Variants in EDNRB observed in about 807,000 individuals in gnomAD.
EDNRB encodes endothelin receptor type B.
In EDNRB, 18 loss-of-function variants were observed where a neutral mutation model predicts 46.4. The ratio of observed to expected loss-of-function variants is 0.39; its 90% CI spans 0.27 to 0.57. EDNRB has a LOEUF of 0.57. Ranked by LOEUF, EDNRB falls within the 20% of genes least tolerant of loss-of-function variation. The pLI is 0.61. For synonymous variants in EDNRB, 213 were observed against 204.9 expected (o/e 1.04, Z -0.34); for missense variants, 434 against 537.5 (o/e 0.81, Z 1.90).
intron 1 of EDNRB, among the ~76,000 whole-genome samples, chr13:77,913,179 G>T (rs1879656175): frequency 6.6e-6 from 1 of 152,154 alleles, no homozygotes; most frequent in Non-Finnish European, 1.5e-5. Context: ...CTGATTACCT[G>T]CCAAGGTCAC....
chr13:77,950,009 A>G (rs1881043753), intron 1 of EDNRB, among the ~76,000 whole-genome samples: 1 of 152,074 alleles, frequency 6.6e-6, no homozygotes, highest in Admixed American at 6.6e-5. Flanking sequence ...CTCCTGCCTG[A>G]TATATATCAT....
chr13:77,902,268 G>A lies in EDNRB; in HGVS notation c.801+888C>T, dbSNP rs553209709. On this transcript the variant is annotated intron_variant, in intron 3 of 6. Transcript: ENST00000646607. ...TACTGGGCTATCTTGTGCAGATTAC[G>A]TAGTAGTTGTCAGTCCTTATGGGGC... Among the ~76,000 whole-genome samples, 38 of 151,994 alleles carry A rather than the reference G, an allele frequency of 2.5e-4. 2 individuals are homozygous for A. The South Asian group carries it at 6.8e-3, about 27-fold the overall frequency.
chr13:77,905,619 GT>G (rs1879236301), intron 1 of EDNRB, among the ~76,000 whole-genome samples: 1 of 151,982 alleles, frequency 6.6e-6, no homozygotes, highest in African/African-American at 2.4e-5. Flanking sequence ...AACAGAGGCT[GT>G]GATCATATTG....
upstream of EDNRB, among the ~76,000 whole-genome samples, chr13:77,923,401 T>C (rs961870306): frequency 1.4e-4 from 22 of 152,214 alleles, no homozygotes; most frequent in African/African-American, 5.3e-4. Flanking sequence ...TTTGAAAAGA[T>C]ATTAGAAATT....
rs192809889 is a variant in EDNRB at position 77,958,095 on chromosome 13, A to T, written c.-52+17252T>A. 2.3e-3 allele frequency among the ~76,000 whole-genome samples: 356 copies of T among 152,344 alleles called. 2 individuals carry two copies. The highest frequency in any genetic ancestry group is 6.8e-3 in the Middle Eastern group (2 of 294). ...GAGGAAGTGTGAATGTGGAGTAATG[A>T]GACTCAACCCATTACTCTATATTAG... On this transcript the variant is annotated intron_variant, in intron 1 of 7. Coordinates refer to the EDNRB transcript ENST00000646948.
At chr13:77,918,836 C>A (rs1879961191), upstream of EDNRB, 1 of 1,294,786 alleles carries the variant, frequency 7.7e-7, no homozygotes, top group Non-Finnish European at 9.8e-7. This position sits in a 1 kb window ranked among gnomAD's most constrained non-coding sequence, Gnocchi z 4.5. Flanking sequence ...TTTCTTCCCC[C>A]GCGTGGCCAG....
chr13:77,947,835 C>G (rs1880976256), intron 1 of EDNRB: 1 of 144,846 alleles, frequency 6.9e-6, no homozygotes, highest in African/African-American at 2.6e-5. Context: ...AGGCTGGTCT[C>G]AACCTCCTGG....
At chr13:77,970,201 TAGAG>T (rs936812456) in intron 1 of EDNRB, among the ~76,000 whole-genome samples, 23 of 152,186 alleles carry the variant, frequency 1.5e-4, no homozygotes, top group Non-Finnish European at 1.8e-4. Flanking sequence ...ATTTTCAACT[TAGAG>T]AGCTTAAATT....
At chr13:77,913,193 A>C (rs912452614) in intron 1 of EDNRB, among the ~76,000 whole-genome samples, 4 of 152,146 alleles carry the variant, frequency 2.6e-5, no homozygotes, top group Admixed American at 6.5e-5. Context: ...AGGTCACTTC[A>C]CTCGAAACTC....
intron 1 of EDNRB, among the ~76,000 whole-genome samples, chr13:77,954,478 GTATTTATTTATTTATTTATTTATT>G (rs3039607): frequency 7.8e-5 from 11 of 140,458 alleles, no homozygotes; most frequent in African/African-American, 1.6e-4. Flanking sequence ...TTTTAAGAAA[GTATTTATTTATTTATTTATTTATT>G]TATTTATTTA....
chr13:77,899,706 A>C, intron 6 of EDNRB, 153 bp downstream of exon 6: 1 of 650,874 alleles, frequency 1.5e-6, no homozygotes, highest in Non-Finnish European at 2.6e-6. Context: ...ATTTACAAGC[A>C]AAAGTTGTAT....
intron 1 of EDNRB, among the ~76,000 whole-genome samples, chr13:77,965,890 G>T (rs953667364): frequency 4.0e-5 from 6 of 151,792 alleles, no homozygotes; most frequent in Admixed American, 2.6e-4. Flanking sequence ...ATATTTTGTT[G>T]TTTAGAGACA....
At position 77,897,864 on chromosome 13, in the gene EDNRB, T is replaced by C; in HGVS notation, c.*336A>G. ...ATTGATTTAAAAATAAATCTCTTTT[T>C]AGAAAGAATAGAAATTCTGAGTGAG... On this transcript the variant is annotated 3_prime_UTR_variant, in exon 7 of 7. Transcript: ENST00000646607. 9.7e-7 allele frequency: 1 copy of C among 1,029,298 alleles called. No individual in the cohort carries two copies. Among genetic ancestry groups the C allele is most frequent in the Non-Finnish European group, 1.2e-6 (1 of 857,080 alleles). 63.8% of individuals were successfully genotyped at this position (1,029,298 alleles called of 1,614,324 possible).
intron 1 of EDNRB, among the ~76,000 whole-genome samples, chr13:77,905,308 G>T (rs1037754141): frequency 6.6e-6 from 1 of 151,900 alleles, no homozygotes; most frequent in African/African-American, 2.4e-5. Context: ...AAAGAACCCA[G>T]ATTGGAATTT....
chr13:77,905,168 T>C (rs377573139), intron 1 of EDNRB, among the ~76,000 whole-genome samples: 29 of 151,882 alleles, frequency 1.9e-4, no homozygotes, highest in East Asian at 1.6e-3. Flanking sequence ...CAGAAAGTCA[T>C]TGGTGTCAGG....
chr13:77,932,420 G>A (rs1880433280), intron 1 of EDNRB, among the ~76,000 whole-genome samples: 1 of 152,102 alleles, frequency 6.6e-6, no homozygotes, highest in Non-Finnish European at 1.5e-5. Flanking sequence ...TCCATCTATT[G>A]AGATCTCAAT....
chr13:77,937,274 A>T (rs1056771096), intron 1 of EDNRB, among the ~76,000 whole-genome samples: 7 of 152,164 alleles, frequency 4.6e-5, no homozygotes, highest in African/African-American at 1.2e-4. Flanking sequence ...GTCTAGCTAT[A>T]CCTGGGGAAT....
chr13:77,956,601 G>A (rs117492118), intron 1 of EDNRB, among the ~76,000 whole-genome samples: 2,242 of 152,270 alleles, frequency 0.015, 46 homozygotes, highest in East Asian at 0.024. Flanking sequence ...GTAACAAATT[G>A]CCATTAATTT....
intron 1 of EDNRB, among the ~76,000 whole-genome samples, chr13:77,962,134 A>C (rs1881434121): frequency 6.6e-6 from 1 of 152,216 alleles, no homozygotes; most frequent in Non-Finnish European, 1.5e-5. Flanking sequence ...TGAGGCAATA[A>C]TTAATAGCCT....
Sources: allele counts gnomAD v4.1 joint callset (sites outside exome capture counted in the v4.1 genomes callset), GRCh38; gene constraint gnomAD v4.1.1; non-coding constraint Gnocchi (gnomAD v3.1); transcripts MANE v1.5; gene names NCBI Gene and HGNC (gene_info 2026-07-23, HGNC 2026-07-21).